The following AIF1L variants were observed in gnomAD, a reference collection of about 807,000 sequenced individuals.
AIF1L encodes allograft inflammatory factor 1-like.
Under a neutral mutation model 20.7 loss-of-function variants are expected in AIF1L, and 12 were observed. That is an observed-to-expected ratio of 0.58 (90% CI 0.37 to 0.94). The LOEUF (loss-of-function observed/expected upper bound fraction) is 0.94. AIF1L is among the 40% of genes least tolerant of loss of function. The pLI, the probability that AIF1L is intolerant of heterozygous loss-of-function variation, is 0.01. For missense variants in AIF1L, 173 were observed against 185.3 expected (o/e 0.93, Z 0.39); for synonymous variants, 76 against 65.1 (o/e 1.17, Z -0.81).
intron 5 of AIF1L, among the ~76,000 whole-genome samples, chr9:131,119,841 C>A (rs977457320): frequency 2.6e-5 from 4 of 152,320 alleles, no homozygotes; most frequent in South Asian, 2.1e-4. Context: ...CCCCAGACAC[C>A]ACTCTCAGAG....
At position 131,120,418 on chromosome 9, in the gene AIF1L, GT is replaced by G; in HGVS notation, c.*99del. The G allele has an allele frequency of 1.9e-6, 2 of 1,028,116 alleles. No homozygotes were observed. The highest frequency in any genetic ancestry group is 1.6e-5 in the South Asian group (1 of 62,144). The allele number at this position is 1,028,116 out of a possible 1,614,324, so 63.7% of individuals were successfully genotyped here. A position where few individuals can be genotyped will look rare whatever the true frequency, so the allele number is the denominator to read the frequency against. On this transcript the variant is annotated 3_prime_UTR_variant, in exon 6 of 6. Coordinates refer to ENST00000247291, the MANE Select transcript of AIF1L (RefSeq NM_031426.4). ...ACTGTGATCTCTCTCTCTCTCATTT[GT>G]TTGGTCATTGAGGGTTTGTTTGTGT...
intron 5 of AIF1L, among the ~76,000 whole-genome samples, chr9:131,118,672 G>A (rs138880730): frequency 4.2e-4 from 63 of 150,700 alleles, no homozygotes; most frequent in African/African-American, 1.0e-3. Flanking sequence ...TCAGCCTCCC[G>A]AGTAGCCAGG....
Position 131,096,545 on chromosome 9 carries a change from G to C in AIF1L, c.-85G>C. ...GTCCCGCGGCCACACGCAGCTAGCCGGAGCCCGGACCAGGCGCCTGTGCCT... is the reference window on the plus strand; with the variant it reads ...GTCCCGCGGCCACACGCAGCTAGCCCGAGCCCGGACCAGGCGCCTGTGCCT... On this transcript the variant is annotated 5_prime_UTR_variant, in exon 1 of 6. Transcript: ENST00000247291. 1 of 1,447,498 alleles carries C rather than the reference G, an allele frequency of 6.9e-7. No homozygotes were observed. The highest frequency in any genetic ancestry group is 9.1e-7 in the Non-Finnish European group (1 of 1,101,974). The allele number at this position is 1,447,498 out of a possible 1,614,324, so 89.7% of individuals were successfully genotyped here.
At position 131,104,824 on chromosome 9, in the gene AIF1L, G is replaced by A. The variant is rs144996169; in HGVS notation, c.94-6773G>A. On this transcript the variant is annotated intron_variant, in intron 2 of 5. Coordinates refer to ENST00000247291, the MANE Select transcript of AIF1L (RefSeq NM_031426.4). ...GAGATGGGCGGACTGCTTGGGCCCA[G>A]GAGGTTGAGGTTGCAGTGGGCTATG... is the stretch of plus-strand genomic sequence containing the variant. Among the ~76,000 whole-genome samples, 615 of 152,116 alleles carry A rather than the reference G, an allele frequency of 4.0e-3. 5 individuals carry two copies. The highest frequency in any genetic ancestry group is 0.014 in the African/African-American group (591 of 41,510).
intron 3 of AIF1L, chr9:131,112,393 G>A (rs1830911288): frequency 6.6e-6 from 1 of 152,304 alleles, no homozygotes; most frequent in Non-Finnish European, 1.5e-5. Flanking sequence ...CCGGCTCCAG[G>A]GCAAAGAACT....
Position 131,096,810 on chromosome 9 carries a change from G to T in AIF1L, c.40G>T (p.Ala14Ser). Residue 14 changes from alanine to serine, a missense_variant, in exon 2 of 6, where the codon GCG becomes TCG. By Grantham distance (99) the Ala-to-Ser change is moderately conservative (BLOSUM62 1). Coordinates refer to ENST00000247291, the MANE Select transcript of AIF1L (RefSeq NM_031426.4). ...ELSNRFQGGK[A>S]FGLLKARQER... ...CTCTTTGTCTCCTCCAGGAGGGAAG[G>T]CGTTCGGCTTGCTCAAAGCCCGGCA... 1 of 1,536,048 alleles carries T rather than the reference G, an allele frequency of 6.5e-7. No individual in the cohort carries two copies. The highest frequency in any genetic ancestry group is 8.8e-7 in the Non-Finnish European group (1 of 1,142,334).
In AIF1L at chr9:131,119,251, A is replaced by C. The variant is rs576268643; in HGVS notation, c.366-984A>C. Among the ~76,000 whole-genome samples the C allele has an allele frequency of 1.1e-4, 17 of 152,358 alleles. No individual in the cohort carries two copies. The East Asian group carries it at 3.3e-3, about 29-fold the overall frequency. On this transcript the variant is annotated intron_variant, in intron 5 of 5. Coordinates refer to ENST00000247291, the MANE Select transcript of AIF1L (RefSeq NM_031426.4). ...TGCCCTGGCTCACGCCTTTAATCCC[A>C]GCGCTTCGGGAGGCTGAGGCCGGTG...
At position 131,096,620 on chromosome 9, in the gene AIF1L, C is replaced by T; in HGVS notation, c.-10C>T. On this transcript the variant is annotated 5_prime_UTR_variant, in exon 1 of 6. Coordinates refer to ENST00000247291, the MANE Select transcript of AIF1L (RefSeq NM_031426.4). ...CGAAGCCTGGAGCCGGCGGGAGCCCCGCGCTCGCCATGTCGGGCGAGCTCA... is the reference window on the plus strand; with the variant it reads ...CGAAGCCTGGAGCCGGCGGGAGCCCTGCGCTCGCCATGTCGGGCGAGCTCA... 1 of 1,484,346 alleles carries T rather than the reference C, an allele frequency of 6.7e-7. No homozygotes were observed. Among genetic ancestry groups the T allele is most frequent in the East Asian group, 2.9e-5 (1 of 34,296 alleles). The allele number at this position is 1,484,346 out of a possible 1,614,324, so 91.9% of individuals were successfully genotyped here.
Position 131,099,344 on chromosome 9 carries a change from G to A in AIF1L, c.93+2481G>A, listed in dbSNP as rs185055091. ...AATTAACCGATGGAAGTGGATGGAA[G>A]CTCTTTGCAGACTGTGGGGGAGTCA... On this transcript the variant is annotated intron_variant, in intron 2 of 5. Transcript: ENST00000247291. Among the ~76,000 whole-genome samples the A allele has an allele frequency of 2.1e-3, 313 of 152,360 alleles. 2 individuals are homozygous for A. The highest frequency in any genetic ancestry group is 7.1e-3 in the African/African-American group (296 of 41,586).
chr9:131,103,344 G>T (rs918273124), intron 2 of AIF1L, among the ~76,000 whole-genome samples: 2 of 152,220 alleles, frequency 1.3e-5, no homozygotes, highest in African/African-American at 4.8e-5. Flanking sequence ...GGACTTCAGG[G>T]CATCACGGAG....
chr9:131,112,055 C>T lies in AIF1L; in HGVS notation c.160+392C>T, dbSNP rs550231153. The T allele has an allele frequency of 5.1e-3, 1,030 of 202,704 alleles. 3 individuals are homozygous for T. Among genetic ancestry groups the T allele is most frequent in the Non-Finnish European group, 7.2e-3 (713 of 98,500 alleles). 12.6% of individuals were successfully genotyped at this position (202,704 alleles called of 1,614,324 possible). ...CTCCCCAGCAGAGCGTCTCAGGAGC[C>T]CCTGCGGAGAATGGACGTTTGTGTC... On this transcript the variant is annotated intron_variant, in intron 3 of 5. Coordinates refer to ENST00000247291, the MANE Select transcript of AIF1L (RefSeq NM_031426.4).
At chr9:131,117,185 C>G (rs1032587377) in intron 4 of AIF1L, among the ~76,000 whole-genome samples, 5 of 152,222 alleles carry the variant, frequency 3.3e-5, no homozygotes, top group African/African-American at 9.6e-5. Flanking sequence ...GGCATCCTCT[C>G]CCTTCCAGCC....
chr9:131,110,071 G>A (rs907485937), intron 2 of AIF1L, among the ~76,000 whole-genome samples: 4 of 152,146 alleles, frequency 2.6e-5, no homozygotes, highest in African/African-American at 4.8e-5. Context: ...TAAGCCAGCC[G>A]TGGTGTGGCG....
At chr9:131,104,241 T>C (rs147684282) in intron 2 of AIF1L, among the ~76,000 whole-genome samples, 2 of 152,320 alleles carry the variant, frequency 1.3e-5, no homozygotes, top group African/African-American at 2.4e-5. Context: ...TTCTCACACC[T>C]GCTCCCCCAC....
rs1385596685 is a variant in AIF1L at position 131,097,066 on chromosome 9, T to A, written c.93+203T>A. 2.6e-5 allele frequency among the ~76,000 whole-genome samples: 4 copies of A among 151,058 alleles called. No individual in the cohort carries two copies. In the East Asian group the frequency reaches 8.1e-4, roughly 30 times the overall value. On this transcript the variant is annotated intron_variant, in intron 2 of 5. Transcript: ENST00000247291. ...CCGCCTCCGCCTCCCGCCTCCGGTC[T>A]CGGGTTGCAAGTTGTTACTCTTGCA...
chr9:131,114,328 G>A (rs966380623), intron 3 of AIF1L: 2 of 485,206 alleles, frequency 4.1e-6, no homozygotes, highest in African/African-American at 3.9e-5. Context: ...CTCCTGGTAA[G>A]AGGGTCAGAG....
chr9:131,115,872 G>A (rs1467031300), intron 4 of AIF1L, among the ~76,000 whole-genome samples: 2 of 151,692 alleles, frequency 1.3e-5, no homozygotes, highest in African/African-American at 4.8e-5. Context: ...TACTCGGGAG[G>A]CTGAGGCAGG....
At chr9:131,117,483 G>A (rs1257934192) in intron 4 of AIF1L, among the ~76,000 whole-genome samples, 1 of 152,210 alleles carries the variant, frequency 6.6e-6, no homozygotes, top group African/African-American at 2.4e-5. Flanking sequence ...GGGGTTCAGA[G>A]AGGTTAAGTA....
chr9:131,096,733 CG>C, intron 1 of AIF1L, 68 bp from the exon 2 acceptor site: 1 of 1,454,314 alleles, frequency 6.9e-7, no homozygotes, highest in Non-Finnish European at 9.0e-7. Flanking sequence ...GCGCGGGAAG[CG>C]GGCGGGGACG....
Sources: allele counts gnomAD v4.1 joint callset (sites outside exome capture counted in the v4.1 genomes callset), GRCh38; gene constraint gnomAD v4.1.1; transcripts MANE v1.5; gene names NCBI Gene and HGNC (gene_info 2026-07-23, HGNC 2026-07-21).